MMP16: variants seen among roughly 807,000 people sequenced by gnomAD.
The protein encoded by MMP16 is matrix metallopeptidase 16.
A neutral mutation model predicts 67.8 loss-of-function variants in MMP16; 12 were observed. The ratio of observed to expected loss-of-function variants is 0.18; its 90% CI spans 0.11 to 0.29. The LOEUF (loss-of-function observed/expected upper bound fraction) is 0.29. MMP16 is among the 10% of genes least tolerant of loss of function. MMP16 has a pLI of 1.00. For missense variants in MMP16, 475 were observed against 765.7 expected (o/e 0.62, Z 4.48); for synonymous variants, 249 against 255.9 (o/e 0.97, Z 0.26).
At chr8:88,229,602 G>A (rs1168260272) in intron 1 of MMP16, among the ~76,000 whole-genome samples, 2 of 151,920 alleles carry the variant, frequency 1.3e-5, no homozygotes, top group Non-Finnish European at 2.9e-5. Flanking sequence ...ATATTTTAGT[G>A]GCATTTATCT....
At chr8:88,164,593 C>G (rs1205709980) in intron 4 of MMP16, among the ~76,000 whole-genome samples, 1 of 152,014 alleles carries the variant, frequency 6.6e-6, no homozygotes, top group Non-Finnish European at 1.5e-5. Context: ...TAATGTCTCC[C>G]TAATCTCTTG....
At chr8:88,042,431 G>GT (rs1405107497) in intron 9 of MMP16, among the ~76,000 whole-genome samples, 1 of 152,134 alleles carries the variant, frequency 6.6e-6, no homozygotes, top group East Asian at 1.9e-4. Flanking sequence ...AAGTAAAGAC[G>GT]TATTCATAGT....
At chr8:88,059,984 TAAA>T (rs367848525) in intron 7 of MMP16, among the ~76,000 whole-genome samples, 1 of 135,122 alleles carries the variant, frequency 7.4e-6, no homozygotes, top group Non-Finnish European at 1.6e-5. Flanking sequence ...TGAGAAGAGA[TAAA>T]AAAAAAAAAA....
At chr8:88,225,193 G>A (rs1809750465) in intron 1 of MMP16, among the ~76,000 whole-genome samples, 1 of 151,948 alleles carries the variant, frequency 6.6e-6, no homozygotes, top group Non-Finnish European at 1.5e-5. Flanking sequence ...GATATTTTAT[G>A]TTGTTTCAAA....
intron 3 of MMP16, among the ~76,000 whole-genome samples, chr8:88,173,172 C>T (rs1808832108): frequency 6.6e-6 from 1 of 152,116 alleles, no homozygotes; most frequent in Non-Finnish European, 1.5e-5. Flanking sequence ...CTGCCTCAGC[C>T]TCCCGAGTAG....
intron 6 of MMP16, among the ~76,000 whole-genome samples, chr8:88,093,659 A>C (rs1328762994): frequency 6.6e-6 from 1 of 151,920 alleles, no homozygotes; most frequent in Non-Finnish European, 1.5e-5. Flanking sequence ...AAATTAAGAT[A>C]ATAATTACAT....
chr8:88,322,531 A>C (rs1811475937), intron 1 of MMP16, among the ~76,000 whole-genome samples: 1 of 152,022 alleles, frequency 6.6e-6, no homozygotes, highest in African/African-American at 2.4e-5. Flanking sequence ...ATTTTCTATT[A>C]ATAATAATGA....
chr8:88,174,955 T>C (rs1262801029), intron 3 of MMP16, among the ~76,000 whole-genome samples: 2 of 152,142 alleles, frequency 1.3e-5, no homozygotes, highest in African/African-American at 2.4e-5. Context: ...GGTTTCACCA[T>C]GTTGGTCAGG....
intron 1 of MMP16, among the ~76,000 whole-genome samples, chr8:88,294,393 T>C (rs967716774): frequency 3.3e-5 from 5 of 150,662 alleles, no homozygotes; most frequent in South Asian, 2.1e-4. Flanking sequence ...CACACATATA[T>C]ACATATGTAT....
rs774237231 is a variant in MMP16, at chr8:88,074,659, G to A, written c.1168C>T (p.Pro390Ser). Residue 390 changes from proline (P) to serine (S), a missense_variant, in exon 7 of 10, where the codon CCT becomes TCT. By Grantham distance (74) the Pro-to-Ser change is moderately conservative. Around this residue, in one of 5 missense-constraint regions of MMP16, gnomAD observed 195 missense variants for 300.9 expected, o/e 0.65. Coordinates refer to ENST00000286614, the MANE Select transcript of MMP16 (RefSeq NM_005941.5). Reference sequence around the variant, plus strand: ...TTTTCATAAACTGCATCGATACTAGGAGGCAAGCCCCGCCAGAAGTAAGTA... The same window carrying A: ...TTTTCATAAACTGCATCGATACTAGAAGGCAAGCCCCGCCAGAAGTAAGTA... ...QITYFWRGLP[P>S]SIDAVYENSD... 6.2e-7 allele frequency: 1 copy of A among 1,613,636 alleles called. No homozygotes were observed. The highest frequency in any genetic ancestry group is 8.5e-7 in the Non-Finnish European group (1 of 1,179,750).
At chr8:88,221,144 G>A (rs545809792) in intron 1 of MMP16, among the ~76,000 whole-genome samples, 1 of 152,128 alleles carries the variant, frequency 6.6e-6, no homozygotes, top group Non-Finnish European at 1.5e-5. Flanking sequence ...GGGAGGGGTG[G>A]GGAGTGAGTG....
At chr8:88,166,179 T>C (rs1427315186) in intron 4 of MMP16, among the ~76,000 whole-genome samples, 1 of 152,098 alleles carries the variant, frequency 6.6e-6, no homozygotes, top group Non-Finnish European at 1.5e-5. Context: ...AACCCTCTTA[T>C]GAACAAACAA....
intron 1 of MMP16, among the ~76,000 whole-genome samples, chr8:88,313,969 T>C (rs1811338820): frequency 6.6e-6 from 1 of 152,134 alleles, no homozygotes; most frequent in Non-Finnish European, 1.5e-5. Flanking sequence ...AATTACCTCC[T>C]ACTGTGTTCC....
intron 2 of MMP16, among the ~76,000 whole-genome samples, chr8:88,194,346 T>C (rs1563558800): frequency 6.6e-6 from 1 of 152,004 alleles, no homozygotes; most frequent in East Asian, 1.9e-4. Flanking sequence ...ATAATTTGGA[T>C]CTATAACTAT....
chr8:88,068,645 G>A (rs978768164), intron 7 of MMP16, among the ~76,000 whole-genome samples: 3 of 151,998 alleles, frequency 2.0e-5, no homozygotes, highest in Admixed American at 6.6e-5. Flanking sequence ...TATATGTTTT[G>A]AGTCTTGATT....
chr8:88,126,258 C>G (rs1348865901), intron 4 of MMP16, among the ~76,000 whole-genome samples: 1 of 151,728 alleles, frequency 6.6e-6, no homozygotes, highest in Non-Finnish European at 1.5e-5. Flanking sequence ...ATCACCCAAG[C>G]CTTTGTTCTT....
chr8:88,219,326 C>A lies in MMP16; in HGVS notation c.133-22020G>T, dbSNP rs148059445. ...CATAATTACTGATGTTAATTATGAA[C>A]CTCCTAGGCAGAGGCAATAGCAATC... On this transcript the variant is annotated intron_variant, in intron 1 of 9. Coordinates refer to ENST00000286614, the MANE Select transcript of MMP16 (RefSeq NM_005941.5). Among the ~76,000 whole-genome samples the A allele has an allele frequency of 3.0e-3, 454 of 151,430 alleles. 1 individual carries two copies. Among genetic ancestry groups the A allele is most frequent in the African/African-American group, 0.01 (433 of 41,276 alleles).
At chr8:88,239,938 A>T (rs1466448475) in intron 1 of MMP16, among the ~76,000 whole-genome samples, 1 of 152,222 alleles carries the variant, frequency 6.6e-6, no homozygotes. Flanking sequence ...GAAATCACTT[A>T]TCTTACAAAG....
chr8:88,229,059 A>G (rs1915015), intron 1 of MMP16, among the ~76,000 whole-genome samples: 151,641 of 151,986 alleles, frequency 1, 75,650 homozygotes, highest in Non-Finnish European at 1. Context: ...TACTCATGAG[A>G]CAGAGGTGGG....
Sources: gnomAD v4.1 joint callset for allele counts (sites outside exome capture counted in the v4.1 genomes callset) on GRCh38, gnomAD v4.1.1 for gene constraint, gnomAD v4.1.1 regional missense constraint, MANE v1.5 for transcripts, NCBI Gene and HGNC (gene_info 2026-07-23, HGNC 2026-07-21) for gene names.